The following CCDC102A variants were observed in gnomAD, a reference collection of about 807,000 sequenced individuals.
CCDC102A encodes the protein coiled-coil domain-containing protein 102A.
Under a neutral mutation model 55.5 loss-of-function variants are expected in CCDC102A, and 40 were observed. The ratio of observed to expected loss-of-function variants is 0.72; its 90% CI spans 0.56 to 0.94. The LOEUF (loss-of-function observed/expected upper bound fraction) is 0.94, where lower values mean the gene tolerates loss of function less well. CCDC102A is among the 40% of genes least tolerant of loss of function. The pLI, the probability that CCDC102A is intolerant of heterozygous loss-of-function variation, is 0.00. For synonymous variants in CCDC102A, 323 were observed against 339.0 expected, an observed-to-expected ratio of 0.95 and a Z score of 0.52; for missense variants, 779 against 768.6, an observed-to-expected ratio of 1.01 and a Z score of -0.16.
chr16:57,518,362 C>A, intron 5 of CCDC102A, 85 bp from the exon 6 acceptor site: 1 of 1,313,238 alleles, frequency 7.6e-7, no homozygotes, highest in East Asian at 2.3e-5. Flanking sequence ...CCTCCTGGAG[C>A]CATTTTTGGC....
chr16:57,528,740 C>T lies in CCDC102A; in HGVS notation c.438G>A (p.Ala146=), dbSNP rs1183790664. Residue 146 remains alanine, a synonymous_variant, in exon 2 of 9, where the codon GCG becomes GCA. Transcript: ENST00000258214. ...LAGARRERQE[A]QGECEARGRE... is the part of the protein sequence containing the mutation. ...GGCCCCGTGCCTCGCACTCGCCCTG[C>T]GCCTCTTGGCGCTCGCGCCGTGCGC... 66 of 1,171,364 alleles carry T rather than the reference C, an allele frequency of 5.6e-5. No individual in the cohort carries two copies. Among genetic ancestry groups the T allele is most frequent in the Non-Finnish European group, 6.8e-5 (64 of 940,944 alleles). 72.6% of individuals were successfully genotyped at this position (1,171,364 alleles called of 1,614,324 possible).
intron 6 of CCDC102A, among the ~76,000 whole-genome samples, chr16:57,517,126 C>A (rs1340257282): frequency 6.6e-6 from 1 of 152,118 alleles, no homozygotes; most frequent in African/African-American, 2.4e-5. Context: ...GCTCACACTC[C>A]CCTCCTGCTT....
rs772077929 is a variant in CCDC102A, at chr16:57,516,379, G to A, written c.1333C>T (p.Arg445Trp). 1.7e-5 allele frequency: 27 copies of A among 1,609,418 alleles called. No homozygotes were observed. The highest frequency in any genetic ancestry group is 2.7e-5 in the African/African-American group (2 of 74,946). ...KVAELAHANRRVEQHEAEVKK... is the reference protein window; with the variant it reads ...KVAELAHANRWVEQHEAEVKK... The stretch of plus-strand genomic sequence containing the variant: ...ACCTCAGCCTCGTGCTGCTCCACCC[G>A]CCGGTTGGCATGTGCCAGCTCTGCC... The change falls in exon 7 of 9, where the codon CGG becomes TGG. Residue 445 changes from arginine (R) to tryptophan (W), a missense_variant. By Grantham distance (101) the Arg-to-Trp change is moderately radical. Transcript: ENST00000258214. The surrounding 1 kb of genome is among the most constrained non-coding windows in gnomAD (Gnocchi z 4.4).
intron 3 of CCDC102A, among the ~76,000 whole-genome samples, chr16:57,521,967 T>G (rs184361086): frequency 1.4e-4 from 22 of 152,294 alleles, no homozygotes; most frequent in African/African-American, 4.8e-4. Flanking sequence ...TGGCAACATT[T>G]TTGGCTATCA....
rs760770691 is a variant in CCDC102A, at chr16:57,521,191, G to A, written c.813-15C>T. On this transcript the variant is annotated splice_polypyrimidine_tract_variant and intron_variant, in intron 3 of 8. Transcript: ENST00000258214. ...CCAGTTTATCCCTGGGGAAGGGACA[G>A]ACATGGGGGTGAGCCCACCAAGGCC... The A allele has an allele frequency of 1.3e-5, 20 of 1,595,322 alleles. No homozygotes were observed. The highest frequency in any genetic ancestry group is 1.7e-5 in the Non-Finnish European group (20 of 1,165,832).
chr16:57,536,982 T>C (rs2032408012), upstream of CCDC102A, among the ~76,000 whole-genome samples: 1 of 152,144 alleles, frequency 6.6e-6, no homozygotes, highest in East Asian at 1.9e-4. Context: ...CTGGGCCAGC[T>C]CTGCCACCGA....
At chr16:57,519,693 G>A (rs1178652424) in intron 4 of CCDC102A, among the ~76,000 whole-genome samples, 4 of 152,128 alleles carry the variant, frequency 2.6e-5, no homozygotes, top group African/African-American at 7.2e-5. Context: ...GCTTTTCTTC[G>A]AATGATTATA....
intron 6 of CCDC102A, among the ~76,000 whole-genome samples, chr16:57,517,371 C>T (rs1285516173): frequency 2.6e-5 from 4 of 152,074 alleles, no homozygotes; most frequent in South Asian, 2.1e-4. Context: ...TTTTTTGAGA[C>T]GGAGTTTCTC....
In CCDC102A at chr16:57,531,256, GCTCCTCCGAGAGAAGGCACTTCCTCA is replaced by G. The variant is rs565888571; in HGVS notation, c.-147-1958_-147-1933del. 4.0e-3 allele frequency among the ~76,000 whole-genome samples: 600 copies of G among 151,790 alleles called. 3 individuals are homozygous for G. The highest frequency in any genetic ancestry group is 0.027 in the South Asian group (130 of 4,796). ...CCCCCGTGACCAGCTCCTCCTGGGT[GCTCCTCCGAGAGAAGGCACTTCCTCA>G]CTCCTTCCAGAGAAGGCACTTCCTC... On this transcript the variant is annotated intron_variant, in intron 1 of 8. Transcript: ENST00000258214.
chr16:57,514,826 G>A (rs1421658973), intron 8 of CCDC102A, among the ~76,000 whole-genome samples: 2 of 152,158 alleles, frequency 1.3e-5, no homozygotes, highest in East Asian at 1.9e-4. Flanking sequence ...TTCTGATATC[G>A]CCTGGTTCTG....
At chr16:57,527,972 A>T (rs1170880138) in intron 2 of CCDC102A, among the ~76,000 whole-genome samples, 2 of 151,898 alleles carry the variant, frequency 1.3e-5, no homozygotes, top group Non-Finnish European at 2.9e-5. Context: ...TTTATTTTTT[A>T]GAGGTGGAGT....
intron 8 of CCDC102A, among the ~76,000 whole-genome samples, chr16:57,514,364 TAA>T (rs1367785735): frequency 4.6e-5 from 7 of 152,260 alleles, no homozygotes; most frequent in South Asian, 2.1e-4. Flanking sequence ...CATGCCTGGC[TAA>T]GTTTTGTATT....
Position 57,526,067 on chromosome 16 carries a change from C to T in CCDC102A, c.646G>A (p.Glu216Lys). ...CCCCCAGCCCCCAGGCTGCGCGCCT[C>T]CCAGCAGTCCTCAGACTCCTCTGGC... The part of the protein sequence containing the change: ...SMPEESEDCW[E>K]ARSLGAGGPR... Residue 216 changes from glutamate to lysine, a missense_variant, in exon 3 of 9, where the codon GAG becomes AAG. Coordinates refer to ENST00000258214, the MANE Select transcript of CCDC102A (RefSeq NM_033212.4). 6.3e-7 allele frequency: 1 copy of T among 1,587,884 alleles called. No individual in the cohort carries two copies. The highest frequency in any genetic ancestry group is 8.5e-7 in the Non-Finnish European group (1 of 1,171,176).
intron 2 of CCDC102A, among the ~76,000 whole-genome samples, chr16:57,528,240 T>C (rs147228232): frequency 0.025 from 3,810 of 152,338 alleles, 74 homozygotes; most frequent in Middle Eastern, 0.044. Flanking sequence ...CCCAGTGCCC[T>C]GATTTCTCCC....
intron 8 of CCDC102A, 22 bp from the exon 9 acceptor site, chr16:57,512,892 A>C: frequency 1.2e-6 from 2 of 1,606,552 alleles, no homozygotes; most frequent in East Asian, 4.5e-5. Context: ...GGGTGACAGG[A>C]GGTTAGAGCA....
At chr16:57,533,873 T>A (rs1352998701) in intron 1 of CCDC102A, among the ~76,000 whole-genome samples, 8 of 152,226 alleles carry the variant, frequency 5.3e-5, no homozygotes, top group Non-Finnish European at 8.8e-5. Context: ...CCAGGCTCAA[T>A]GCCCTCTTGC....
chr16:57,513,616 C>T (rs1465376352), intron 8 of CCDC102A, among the ~76,000 whole-genome samples: 4 of 152,268 alleles, frequency 2.6e-5, no homozygotes, highest in African/African-American at 9.6e-5. Flanking sequence ...AGAGGCCCAG[C>T]AGGGCCTGCC....
intron 5 of CCDC102A, 44 bp from the exon 6 acceptor site, chr16:57,518,321 C>T: frequency 6.4e-7 from 1 of 1,574,606 alleles, no homozygotes; most frequent in South Asian, 1.1e-5. Flanking sequence ...GCGGAGGGGG[C>T]ATGCAGGGCC....
Position 57,512,366 on chromosome 16 carries a change from T to C in CCDC102A, c.*375A>G. ...GCATTGTATGATGAACAGCGAAGCC[T>C]AGAGAGGCAGCCCAGGGTGGGGCTC... On this transcript the variant is annotated 3_prime_UTR_variant, in exon 9 of 9. Transcript: ENST00000258214. 2.5e-6 allele frequency: 1 copy of C among 399,940 alleles called. No homozygotes were observed. The highest frequency in any genetic ancestry group is 4.4e-6 in the Non-Finnish European group (1 of 227,012). 24.8% of individuals were successfully genotyped at this position (399,940 alleles called of 1,614,324 possible).
Sources: allele counts gnomAD v4.1 joint callset (sites outside exome capture counted in the v4.1 genomes callset), GRCh38; gene constraint gnomAD v4.1.1; non-coding constraint Gnocchi (gnomAD v3.1); transcripts MANE v1.5; gene names NCBI Gene and HGNC (gene_info 2026-07-23, HGNC 2026-07-21).